Variants in CSMD1 observed in about 807,000 individuals in gnomAD.
CSMD1 encodes CUB and Sushi multiple domains 1, also known as CUB and sushi domain-containing protein 1.
CSMD1 carries 213 observed loss-of-function variants against 417.5 expected under a neutral mutation model. The ratio of observed to expected loss-of-function variants is 0.51; its 90% confidence interval spans 0.46 to 0.57. The LOEUF (loss-of-function observed/expected upper bound fraction) is 0.57. CSMD1 is among the 20% of genes least tolerant of loss of function. The probability of loss-of-function intolerance (pLI) is 0.00; values close to 1 mark genes in which losing one functional copy is unlikely to be tolerated. For missense variants in CSMD1, 6,923 were observed against 4,529.7 expected, an observed-to-expected ratio of 1.53 and a Z score of -15.17; for synonymous variants, 2,862 against 1,736.8, an observed-to-expected ratio of 1.65 and a Z score of -16.11.
intron 5 of CSMD1, among the ~76,000 whole-genome samples, chr8:3,796,079 AGATATATAT>A (rs1800085498): frequency 2.5e-5 from 1 of 40,330 alleles, no homozygotes; most frequent in African/African-American, 7.6e-5. Context: ...TCATAGATAT[AGATATATAT>A]CTATCATAGA....
chr8:3,427,546 T>C (rs1486796319), intron 12 of CSMD1, among the ~76,000 whole-genome samples: 2 of 152,190 alleles, frequency 1.3e-5, no homozygotes, highest in Admixed American at 6.5e-5. Context: ...TTCATCAATA[T>C]AGGTGTATGG....
At chr8:4,941,694 G>C (rs1486907663) in intron 1 of CSMD1, among the ~76,000 whole-genome samples, 1 of 151,820 alleles carries the variant, frequency 6.6e-6, no homozygotes, top group Non-Finnish European at 1.5e-5. Flanking sequence ...GATCCCTCTA[G>C]CTCAAGCAAT....
chr8:4,527,912 G>A (rs558415733), intron 2 of CSMD1, among the ~76,000 whole-genome samples: 27 of 152,092 alleles, frequency 1.8e-4, no homozygotes, highest in African/African-American at 6.3e-4. Flanking sequence ...AACCTACAGG[G>A]CGTGCCTGCT....
intron 5 of CSMD1, among the ~76,000 whole-genome samples, chr8:3,913,333 A>G (rs1391648163): frequency 2.6e-5 from 4 of 152,114 alleles, no homozygotes; most frequent in Admixed American, 6.6e-5. Flanking sequence ...GTGAGAATCC[A>G]AGGCCAATCC....
intron 3 of CSMD1, among the ~76,000 whole-genome samples, chr8:4,314,995 C>G (rs1390908327): frequency 6.6e-6 from 1 of 152,138 alleles, no homozygotes; most frequent in Non-Finnish European, 1.5e-5. Flanking sequence ...GCTAATAGTA[C>G]TGACAGCCCC....
At chr8:3,809,478 G>T (rs1023869856) in intron 5 of CSMD1, among the ~76,000 whole-genome samples, 1 of 152,162 alleles carries the variant, frequency 6.6e-6, no homozygotes, top group Non-Finnish European at 1.5e-5. Flanking sequence ...TTCATACTGG[G>T]CTGCGTGATC....
In CSMD1 at chr8:4,236,055, T is replaced by TTTTTTTTTTTG. The variant is rs1802037810; in HGVS notation, c.415+183897_415+183898insCAAAAAAAAAA. ...TTTTTGTTTGTTTTTTTTTTTTTTT[T>TTTTTTTTTTTG]TTTTTTTTTTTTTTGTAATTTCATT... is the stretch of plus-strand genomic sequence containing the variant. On this transcript the variant is annotated intron_variant, in intron 3 of 69. Transcript: ENST00000635120. 1.1e-4 allele frequency among the ~76,000 whole-genome samples: 9 copies of TTTTTTTTTTTG among 83,744 alleles called. 1 individual carries two copies. Among genetic ancestry groups the TTTTTTTTTTTG allele is most frequent in the Non-Finnish European group, 1.6e-4 (6 of 38,520 alleles). The allele number at this position is 83,744 out of a possible 152,430, so 54.9% of individuals were successfully genotyped here. A position where few individuals can be genotyped will look rare whatever the true frequency, so the allele number is the denominator to read the frequency against.
rs140396050 is a variant in CSMD1 at position 4,029,425 on chromosome 8, G to A, written c.610+2480C>T. Among the ~76,000 whole-genome samples, 651 of 152,282 alleles carry A rather than the reference G, an allele frequency of 4.3e-3. 4 individuals carry two copies. The highest frequency in any genetic ancestry group is 0.015 in the African/African-American group (609 of 41,556). On this transcript the variant is annotated intron_variant, in intron 4 of 69. Coordinates refer to ENST00000635120, the MANE Select transcript of CSMD1 (RefSeq NM_033225.6). ...TGGAAGGCAAGGAGGACCTAGCCAC[G>A]TCTTATATGGATAGCAGCAGGCAAA...
chr8:3,227,922 C>T (rs1405542667), intron 27 of CSMD1, among the ~76,000 whole-genome samples: 3 of 151,970 alleles, frequency 2.0e-5, no homozygotes, highest in African/African-American at 7.3e-5. Flanking sequence ...CATGCACCAC[C>T]ACCCCTGGCC....
chr8:3,093,252 G>A (rs1053336220), intron 47 of CSMD1, among the ~76,000 whole-genome samples: 9 of 152,172 alleles, frequency 5.9e-5, no homozygotes, highest in Admixed American at 5.2e-4. Flanking sequence ...AGGAGATTAA[G>A]ACACAGGCAC....
At chr8:3,870,232 T>C (rs745570194) in intron 5 of CSMD1, among the ~76,000 whole-genome samples, 5 of 152,194 alleles carry the variant, frequency 3.3e-5, no homozygotes, top group African/African-American at 2.4e-5. Flanking sequence ...CTAGCAAAAT[T>C]AATAGTACAC....
chr8:3,323,326 C>T (rs1343058136), intron 23 of CSMD1, among the ~76,000 whole-genome samples: 5 of 152,036 alleles, frequency 3.3e-5, no homozygotes, highest in African/African-American at 4.8e-5. Flanking sequence ...CCCCATTTTC[C>T]CAAGTCTTAC....
At chr8:4,876,884 G>T (rs893196876) in intron 1 of CSMD1, among the ~76,000 whole-genome samples, 8 of 152,040 alleles carry the variant, frequency 5.3e-5, no homozygotes, top group East Asian at 1.9e-4. Flanking sequence ...GAGCAAAAAG[G>T]CAAAGAACAC....
chr8:3,231,328 C>A (rs1340157246), intron 26 of CSMD1, among the ~76,000 whole-genome samples: 2 of 152,086 alleles, frequency 1.3e-5, no homozygotes, highest in African/African-American at 4.8e-5. Flanking sequence ...TTTTTCTCTG[C>A]AAAGTACTTC....
At chr8:3,596,308 C>G (rs1801091725) in intron 8 of CSMD1, among the ~76,000 whole-genome samples, 1 of 152,076 alleles carries the variant, frequency 6.6e-6, no homozygotes, top group Non-Finnish European at 1.5e-5. Flanking sequence ...ATGAACATGC[C>G]CAGGCAGCAG....
intron 26 of CSMD1, among the ~76,000 whole-genome samples, chr8:3,275,099 C>G (rs1057266797): frequency 1.4e-4 from 22 of 152,284 alleles, no homozygotes; most frequent in Admixed American, 3.3e-4. Context: ...GCGCTTCCTT[C>G]AGGAGCTCTG....
At chr8:3,099,570 G>C (rs1433267946) in intron 46 of CSMD1, among the ~76,000 whole-genome samples, 1 of 152,160 alleles carries the variant, frequency 6.6e-6, no homozygotes, top group Non-Finnish European at 1.5e-5. Flanking sequence ...GCATTTTTAT[G>C]AGGACTGAGA....
intron 3 of CSMD1, among the ~76,000 whole-genome samples, chr8:4,286,713 C>T (rs1336055727): frequency 6.6e-6 from 1 of 152,178 alleles, no homozygotes; most frequent in African/African-American, 2.4e-5. Flanking sequence ...AGAATGTATG[C>T]AGCTCACACG....
intron 3 of CSMD1, among the ~76,000 whole-genome samples, chr8:4,353,560 T>C (rs75747692): frequency 9.1e-4 from 138 of 151,940 alleles, no homozygotes; most frequent in Admixed American, 3.4e-3. Context: ...ATATACTAGA[T>C]CACGAATAAA....
Sources: allele counts gnomAD v4.1 joint callset (sites outside exome capture counted in the v4.1 genomes callset), GRCh38; gene constraint gnomAD v4.1.1; transcripts MANE v1.5; gene names NCBI Gene and HGNC (gene_info 2026-07-23, HGNC 2026-07-21).